The following SLC9A9 variants were observed in gnomAD, a reference collection of about 807,000 sequenced individuals.
SLC9A9 encodes the protein sodium/hydrogen exchanger 9.
In SLC9A9, 62 loss-of-function variants were observed where a neutral mutation model predicts 77.8. The ratio of observed to expected loss-of-function variants is 0.80; its 90% CI spans 0.65 to 0.98. The LOEUF is 0.98. Among genes scored for constraint, SLC9A9 ranks in the 50% least tolerant of loss-of-function variants. The pLI is 0.00. For synonymous variants in SLC9A9, 320 were observed against 283.5 expected, an observed-to-expected ratio of 1.13 and a Z score of -1.29; for missense variants, 775 against 774.9, an observed-to-expected ratio of 1.00 and a Z score of 0.00.
chr3:143,288,007 C>T (rs1236872247), intron 14 of SLC9A9, among the ~76,000 whole-genome samples: 2 of 152,058 alleles, frequency 1.3e-5, no homozygotes, highest in East Asian at 3.9e-4. Flanking sequence ...TGTTTTTATT[C>T]AGAAAAGCTG....
intron 4 of SLC9A9, among the ~76,000 whole-genome samples, chr3:143,762,782 CT>C (rs2108833628): frequency 6.6e-6 from 1 of 152,276 alleles, no homozygotes; most frequent in East Asian, 1.9e-4. Flanking sequence ...CAGTGTGGCA[CT>C]GTCCTCTGAT....
chr3:143,362,186 G>A lies in SLC9A9; in HGVS notation c.1604+1298C>T, dbSNP rs556709225. Among the ~76,000 whole-genome samples the A allele has an allele frequency of 7.2e-5, 11 of 152,180 alleles. No homozygotes were observed. In the South Asian group the frequency reaches 2.3e-3, roughly 32 times the overall value. On this transcript the variant is annotated intron_variant, in intron 14 of 15. Transcript: ENST00000316549. ...CAGAACCTTTAAGAAATAATTAATG[G>A]CCAAGATGGACTTCTCTCAAGATGG...
intron 8 of SLC9A9, among the ~76,000 whole-genome samples, chr3:143,553,520 A>T (rs1183278623): frequency 6.6e-6 from 1 of 152,202 alleles, no homozygotes; most frequent in African/African-American, 2.4e-5. Flanking sequence ...GAGTATAGAG[A>T]TATGTGAACT....
At chr3:143,729,218 C>T (rs1044641910) in intron 4 of SLC9A9, among the ~76,000 whole-genome samples, 4 of 152,152 alleles carry the variant, frequency 2.6e-5, no homozygotes, top group African/African-American at 4.8e-5. Flanking sequence ...AAATACCACC[C>T]CATTGAGCTT....
intron 8 of SLC9A9, among the ~76,000 whole-genome samples, chr3:143,566,568 G>A (rs1264127252): frequency 1.3e-5 from 2 of 151,464 alleles, no homozygotes; most frequent in East Asian, 1.9e-4. Context: ...ATTTCTGGAT[G>A]CCTGTTTTCT....
intron 5 of SLC9A9, among the ~76,000 whole-genome samples, chr3:143,664,453 T>C (rs1040402400): frequency 3.3e-5 from 5 of 152,208 alleles, no homozygotes; most frequent in African/African-American, 1.2e-4. Flanking sequence ...AACATCATAC[T>C]GACAGGACCA....
At chr3:143,841,637 G>A (rs1434851693) in intron 1 of SLC9A9, among the ~76,000 whole-genome samples, 1 of 152,070 alleles carries the variant, frequency 6.6e-6, no homozygotes, top group Non-Finnish European at 1.5e-5. Flanking sequence ...AAACACTGAG[G>A]GGGGAGTCCT....
At chr3:143,358,187 C>T (rs1442983583) in intron 14 of SLC9A9, among the ~76,000 whole-genome samples, 3 of 152,118 alleles carry the variant, frequency 2.0e-5, no homozygotes, top group Non-Finnish European at 4.4e-5. Flanking sequence ...CTGGTACCTG[C>T]CACTTTCCTT....
At chr3:143,798,272 A>G (rs760164810) in intron 2 of SLC9A9, among the ~76,000 whole-genome samples, 3 of 152,002 alleles carry the variant, frequency 2.0e-5, no homozygotes, top group Non-Finnish European at 4.4e-5. Context: ...CCAGTCACAG[A>G]CTCGGGAAGA....
At chr3:143,597,794 A>G (rs149161022) in intron 6 of SLC9A9, among the ~76,000 whole-genome samples, 6 of 152,340 alleles carry the variant, frequency 3.9e-5, no homozygotes, top group Admixed American at 6.5e-5. Context: ...AGTGGTTCCT[A>G]TAGTCTCAAA....
Position 143,623,864 on chromosome 3 carries a change from C to T in SLC9A9, c.755+28391G>A, listed in dbSNP as rs148579633. Among the ~76,000 whole-genome samples the T allele has an allele frequency of 4.8e-3, 728 of 152,146 alleles. 5 individuals carry two copies. Among genetic ancestry groups the T allele is most frequent in the Middle Eastern group, 0.044 (13 of 294 alleles). On this transcript the variant is annotated intron_variant, in intron 6 of 15. Transcript: ENST00000316549. ...AAAGATCAACAAAATTGACAGACCG[C>T]TAGTAAGACTAATAAAGAAGAAAAG...
At chr3:143,385,308 C>T (rs921055704) in intron 12 of SLC9A9, among the ~76,000 whole-genome samples, 2 of 152,102 alleles carry the variant, frequency 1.3e-5, no homozygotes, top group Non-Finnish European at 2.9e-5. Context: ...ATCTATCTAT[C>T]TAATTTAAAT....
At chr3:143,540,005 A>G (rs1331612089) in intron 9 of SLC9A9, among the ~76,000 whole-genome samples, 1 of 152,172 alleles carries the variant, frequency 6.6e-6, no homozygotes, top group Non-Finnish European at 1.5e-5. Context: ...TAATATTTAG[A>G]AAAGGCTAAA....
chr3:143,715,601 T>C (rs909192381), intron 4 of SLC9A9, among the ~76,000 whole-genome samples: 2 of 152,210 alleles, frequency 1.3e-5, no homozygotes, highest in African/African-American at 2.4e-5. Flanking sequence ...AGGGAACATC[T>C]CTGTCTTAGC....
intron 8 of SLC9A9, among the ~76,000 whole-genome samples, chr3:143,558,681 T>C (rs1345206691): frequency 6.6e-6 from 1 of 152,218 alleles, no homozygotes; most frequent in Non-Finnish European, 1.5e-5. Context: ...TCATTGTATC[T>C]AGGAAGTAAC....
At chr3:143,370,998 G>T (rs1252430609) in intron 13 of SLC9A9, among the ~76,000 whole-genome samples, 7 of 151,972 alleles carry the variant, frequency 4.6e-5, no homozygotes, top group Non-Finnish European at 4.4e-5. Context: ...GTCTCACTGA[G>T]TTGAAGAGCT....
intron 14 of SLC9A9, among the ~76,000 whole-genome samples, chr3:143,327,959 C>T (rs935766016): frequency 2.2e-4 from 33 of 152,304 alleles, no homozygotes; most frequent in Middle Eastern, 6.8e-3. Context: ...TTCTAAATAG[C>T]TTGCAACCCA....
At chr3:143,654,965 ACT>A (rs1329613199) in intron 5 of SLC9A9, among the ~76,000 whole-genome samples, 2 of 152,238 alleles carry the variant, frequency 1.3e-5, no homozygotes, top group Non-Finnish European at 2.9e-5. Flanking sequence ...AAAGAACTGA[ACT>A]CTGTTTCATA....
At chr3:143,719,441 G>A (rs772604208) in intron 4 of SLC9A9, among the ~76,000 whole-genome samples, 15 of 152,056 alleles carry the variant, frequency 9.9e-5, no homozygotes, top group African/African-American at 3.4e-4. Context: ...CCCAAGTAGG[G>A]CCTTTCAGGG....
Sources: gnomAD v4.1 joint callset for allele counts (sites outside exome capture counted in the v4.1 genomes callset) on GRCh38, gnomAD v4.1.1 for gene constraint, MANE v1.5 for transcripts, NCBI Gene and HGNC (gene_info 2026-07-23, HGNC 2026-07-21) for gene names.